Variants in CSMD1 observed in about 807,000 individuals in gnomAD.
The protein encoded by CSMD1 is CUB and Sushi multiple domains 1, also known as CUB and sushi domain-containing protein 1.
In CSMD1, 213 loss-of-function variants were observed where a neutral mutation model predicts 417.5. The ratio of observed to expected loss-of-function variants is 0.51; its 90% CI spans 0.46 to 0.57. The LOEUF (loss-of-function observed/expected upper bound fraction) is 0.57. Among genes scored for constraint, CSMD1 ranks in the 20% least tolerant of loss-of-function variants. The pLI is 0.00. For missense variants in CSMD1, 6,923 were observed against 4,529.7 expected (o/e 1.53, Z -15.17); for synonymous variants, 2,862 against 1,736.8 (o/e 1.65, Z -16.11).
intron 5 of CSMD1, among the ~76,000 whole-genome samples, chr8:3,858,178 T>G (rs551985176): frequency 6.6e-6 from 1 of 152,316 alleles, no homozygotes; most frequent in East Asian, 1.9e-4. Flanking sequence ...AATTAAGTAA[T>G]TTTTTGACTC....
At chr8:4,890,678 C>A (rs1804058128) in intron 1 of CSMD1, among the ~76,000 whole-genome samples, 1 of 152,146 alleles carries the variant, frequency 6.6e-6, no homozygotes, top group South Asian at 2.1e-4. Flanking sequence ...GACTCCGACA[C>A]CCTCCCCTGC....
intron 5 of CSMD1, among the ~76,000 whole-genome samples, chr8:3,850,628 G>C (rs958672836): frequency 6.6e-6 from 1 of 152,146 alleles, no homozygotes; most frequent in Non-Finnish European, 1.5e-5. Context: ...CTGGGGGGCG[G>C]AGGTTGAGGT....
At chr8:3,182,805 T>G (rs1821454006) in intron 36 of CSMD1, among the ~76,000 whole-genome samples, 1 of 112,308 alleles carries the variant, frequency 8.9e-6, no homozygotes, top group Non-Finnish European at 1.8e-5. Flanking sequence ...TTAGCCAGGA[T>G]GGTCTCGGGG....
chr8:3,889,939 T>A (rs1201427428), intron 5 of CSMD1, among the ~76,000 whole-genome samples: 2 of 152,080 alleles, frequency 1.3e-5, no homozygotes, highest in Non-Finnish European at 2.9e-5. Context: ...TCTCAGACGG[T>A]TGGATGGCTG....
At chr8:4,520,647 T>C (rs182830846) in intron 2 of CSMD1, among the ~76,000 whole-genome samples, 4 of 152,346 alleles carry the variant, frequency 2.6e-5, no homozygotes, top group Non-Finnish European at 4.4e-5. Context: ...TTCCCCCTAC[T>C]AGCAATGATA....
intron 49 of CSMD1, among the ~76,000 whole-genome samples, chr8:3,060,824 A>T (rs1316444295): frequency 1.3e-5 from 2 of 152,206 alleles, no homozygotes; most frequent in East Asian, 3.9e-4. Flanking sequence ...GTCCCTATAA[A>T]AGGGCTTTAT....
chr8:3,499,056 T>G (rs984697247), intron 10 of CSMD1, among the ~76,000 whole-genome samples: 1 of 152,234 alleles, frequency 6.6e-6, no homozygotes, highest in South Asian at 2.1e-4. Context: ...TCATGTTTCT[T>G]GCTTTTTAGA....
intron 43 of CSMD1, among the ~76,000 whole-genome samples, chr8:3,109,683 T>C (rs1407205744): frequency 6.6e-6 from 1 of 152,020 alleles, no homozygotes; most frequent in Non-Finnish European, 1.5e-5. Flanking sequence ...TTGCCCTGGC[T>C]GCTGGCTTCT....
At chr8:3,918,198 T>C (rs1236396534) in intron 5 of CSMD1, among the ~76,000 whole-genome samples, 1 of 152,106 alleles carries the variant, frequency 6.6e-6, no homozygotes, top group Non-Finnish European at 1.5e-5. Flanking sequence ...TCATATTCCT[T>C]TGGATAATTA....
chr8:3,551,742 T>C (rs1408858053), intron 10 of CSMD1, among the ~76,000 whole-genome samples: 1 of 152,128 alleles, frequency 6.6e-6, no homozygotes, highest in Non-Finnish European at 1.5e-5. Context: ...ATCACTTGTA[T>C]ACTAAAGTCC....
At chr8:3,511,587 C>G (rs1326532020) in intron 10 of CSMD1, among the ~76,000 whole-genome samples, 4 of 151,260 alleles carry the variant, frequency 2.6e-5, no homozygotes, top group East Asian at 1.9e-4. Flanking sequence ...AAACCCCTCT[C>G]TACTAAAAAT....
At chr8:4,176,435 G>A (rs904145592) in intron 3 of CSMD1, among the ~76,000 whole-genome samples, 1 of 151,942 alleles carries the variant, frequency 6.6e-6, no homozygotes, top group Non-Finnish European at 1.5e-5. Flanking sequence ...TACCTTGGAA[G>A]CTTTCCTTTC....
intron 5 of CSMD1, among the ~76,000 whole-genome samples, chr8:3,873,858 G>A (rs1349636697): frequency 6.6e-6 from 1 of 152,308 alleles, no homozygotes; most frequent in Non-Finnish European, 1.5e-5. Flanking sequence ...GGAACACAGA[G>A]GAGATATTCA....
intron 1 of CSMD1, among the ~76,000 whole-genome samples, chr8:4,746,691 C>G (rs1198785652): frequency 2.0e-5 from 3 of 152,136 alleles, no homozygotes; most frequent in African/African-American, 7.2e-5. Flanking sequence ...CTGCTGAGCA[C>G]ATACTCTGAG....
At chr8:4,676,697 G>A (rs1805703743) in intron 1 of CSMD1, among the ~76,000 whole-genome samples, 1 of 151,972 alleles carries the variant, frequency 6.6e-6, no homozygotes. Flanking sequence ...GCGTATCAAT[G>A]TCACGTCATA....
At chr8:4,081,745 G>C (rs1285134046) in intron 3 of CSMD1, among the ~76,000 whole-genome samples, 1 of 152,146 alleles carries the variant, frequency 6.6e-6, no homozygotes, top group African/African-American at 2.4e-5. Flanking sequence ...GGTAACAAGA[G>C]TATTTTTTAA....
intron 3 of CSMD1, among the ~76,000 whole-genome samples, chr8:4,363,915 C>T (rs1016887398): frequency 1.3e-5 from 2 of 151,974 alleles, no homozygotes; most frequent in Non-Finnish European, 1.5e-5. Flanking sequence ...GGGTGTAGGG[C>T]AGGGGGGAGA....
chr8:4,819,139 G>A (rs11775951), intron 1 of CSMD1, among the ~76,000 whole-genome samples: 67,008 of 152,022 alleles, frequency 0.44, 15,261 homozygotes, highest in Middle Eastern at 0.51. Context: ...CAGCTCATGC[G>A]TCCTTCTGCT....
At chr8:4,624,292 G>C (rs561148537) in intron 2 of CSMD1, among the ~76,000 whole-genome samples, 1 of 152,076 alleles carries the variant, frequency 6.6e-6, no homozygotes, top group East Asian at 1.9e-4. Flanking sequence ...GTAGGGAAAG[G>C]GTTAGCTAGT....
Sources: gnomAD v4.1 joint callset for allele counts (sites outside exome capture counted in the v4.1 genomes callset) on GRCh38, gnomAD v4.1.1 for gene constraint, MANE v1.5 for transcripts, NCBI Gene and HGNC (gene_info 2026-07-23, HGNC 2026-07-21) for gene names.